REEP3: variants seen among roughly 807,000 people sequenced by gnomAD.
The protein encoded by REEP3 is receptor accessory protein 3.
REEP3 carries 20 observed loss-of-function variants against 41.3 expected under a neutral mutation model. The ratio of observed to expected loss-of-function variants is 0.48; its 90% confidence interval spans 0.34 to 0.70. The LOEUF is 0.70. REEP3 is among the 30% of genes least tolerant of loss of function. REEP3 has a pLI of 0.01. For missense variants in REEP3, 271 were observed against 308.8 expected (o/e 0.88, Z 0.92); for synonymous variants, 104 against 101.8 (o/e 1.02, Z -0.13).
chr10:63,531,814 A>G (rs1955423321), intron 1 of REEP3, among the ~76,000 whole-genome samples: 1 of 152,178 alleles, frequency 6.6e-6, no homozygotes, highest in Non-Finnish European at 1.5e-5. Context: ...TTCTATAATG[A>G]TATTTGGAAA....
chr10:63,585,312 A>G (rs760200914), intron 2 of REEP3, among the ~76,000 whole-genome samples: 3 of 152,168 alleles, frequency 2.0e-5, no homozygotes, highest in Non-Finnish European at 2.9e-5. Context: ...CCATATGGAT[A>G]TGTTACAAAG....
At chr10:63,556,977 T>C (rs1955693698) in intron 1 of REEP3, among the ~76,000 whole-genome samples, 1 of 152,138 alleles carries the variant, frequency 6.6e-6, no homozygotes, top group Non-Finnish European at 1.5e-5. Flanking sequence ...GGAAACTTGG[T>C]TGTTATAATG....
chr10:63,568,693 T>C (rs1955825934), intron 2 of REEP3, among the ~76,000 whole-genome samples: 1 of 149,900 alleles, frequency 6.7e-6, no homozygotes, highest in Non-Finnish European at 1.5e-5. Flanking sequence ...CTTGCTGTTA[T>C]CACCCAAGCT....
chr10:63,584,149 A>T (rs531631177), intron 2 of REEP3, among the ~76,000 whole-genome samples: 1 of 152,220 alleles, frequency 6.6e-6, no homozygotes, highest in East Asian at 1.9e-4. Context: ...ATTTTAACTC[A>T]CTGTAACACC....
chr10:63,540,098 C>T (rs556201750), intron 1 of REEP3, among the ~76,000 whole-genome samples: 7 of 152,234 alleles, frequency 4.6e-5, no homozygotes, highest in African/African-American at 1.7e-4. Context: ...CAGTAAGCAA[C>T]ATTAGTGGCC....
rs1340357272 is a variant in REEP3, at chr10:63,619,655, G to A, written c.566G>A (p.Gly189Asp). The part of the protein sequence containing the change: ...KSKPAPSESA[G>D]YGIPLKDGDE... ...ATGCTGTTTTTGACAACTTGTTTAG[G>A]TTATGGAATTCCACTGAAAGACGGA... The change falls in exon 7 of 8, where the codon GGT becomes GAT. Residue 189 changes from glycine (G) to aspartate (D), a missense_variant and splice_region_variant. Transcript: ENST00000373758. 1 of 1,598,044 alleles carries A rather than the reference G, an allele frequency of 6.3e-7. No homozygotes were observed. Among genetic ancestry groups the A allele is most frequent in the Non-Finnish European group, 8.5e-7 (1 of 1,171,902 alleles).
rs960539326 is a variant in REEP3 at position 63,594,698 on chromosome 10, A to AATAC, written c.106-64_106-61dup. 6.2e-5 allele frequency: 54 copies of AATAC among 875,642 alleles called. 1 individual carries two copies. The highest frequency in any genetic ancestry group is 3.7e-4 in the South Asian group (26 of 70,984). The allele number at this position is 875,642 out of a possible 1,614,324, so 54.2% of individuals were successfully genotyped here. ...ATATGAAATTATTATGAAATCCAGA[A>AATAC]ATACATACATACATACATATTATTC... On this transcript the variant is annotated intron_variant, in intron 2 of 7. Coordinates refer to ENST00000373758, the MANE Select transcript of REEP3 (RefSeq NM_001001330.3).
chr10:63,563,856 C>G (rs868560529), intron 1 of REEP3, among the ~76,000 whole-genome samples: 1 of 152,034 alleles, frequency 6.6e-6, no homozygotes, highest in Non-Finnish European at 1.5e-5. Context: ...GTTTTCCTCC[C>G]GAAAACCCAT....
At chr10:63,540,211 A>G (rs1955516316) in intron 1 of REEP3, among the ~76,000 whole-genome samples, 1 of 152,234 alleles carries the variant, frequency 6.6e-6, no homozygotes. Flanking sequence ...TCTGGATTTT[A>G]TTACAACATT....
chr10:63,606,118 A>ACATACAC, intron 5 of REEP3: 2 of 962,472 alleles, frequency 2.1e-6, no homozygotes, highest in Non-Finnish European at 2.5e-6. Context: ...ATCAATTTTA[A>ACATACAC]CATACACAGA....
intron 1 of REEP3, among the ~76,000 whole-genome samples, chr10:63,537,911 G>GTT (rs1315965919): frequency 6.6e-6 from 1 of 152,050 alleles, no homozygotes; most frequent in Non-Finnish European, 1.5e-5. Context: ...GATTTTTGAG[G>GTT]TTCTGGAGGT....
At chr10:63,585,172 G>A (rs916892227) in intron 2 of REEP3, among the ~76,000 whole-genome samples, 1 of 152,120 alleles carries the variant, frequency 6.6e-6, no homozygotes, top group Non-Finnish European at 1.5e-5. Flanking sequence ...TGTAAGAGTG[G>A]AAGCCATCCT....
At chr10:63,608,103 T>A (rs1956245326) in intron 5 of REEP3, among the ~76,000 whole-genome samples, 1 of 152,260 alleles carries the variant, frequency 6.6e-6, no homozygotes, top group South Asian at 2.1e-4. Flanking sequence ...ATAAAGAGAA[T>A]GACATTTCTG....
chr10:63,569,873 C>G (rs1012778537), intron 2 of REEP3, among the ~76,000 whole-genome samples: 1 of 151,648 alleles, frequency 6.6e-6, no homozygotes, highest in African/African-American at 2.4e-5. Flanking sequence ...GCCTGGGAGT[C>G]GAGACTACAG....
intron 6 of REEP3, among the ~76,000 whole-genome samples, chr10:63,611,668 A>T (rs1413832378): frequency 1.3e-5 from 2 of 152,104 alleles, no homozygotes; most frequent in Non-Finnish European, 2.9e-5. Context: ...TATTAAAAAA[A>T]GAAGTTTTCT....
At chr10:63,557,029 ATGTATAGTGTTCCATTG>A (rs945624997) in intron 1 of REEP3, among the ~76,000 whole-genome samples, 56 of 152,114 alleles carry the variant, frequency 3.7e-4, no homozygotes, top group Non-Finnish European at 6.8e-4. Flanking sequence ...AATTCTCCCT[ATGTATAGTGTTCCATTG>A]TCCTCCCAAT....
chr10:63,620,839 A>C lies in REEP3; in HGVS notation c.738A>C (p.Lys246Asn), dbSNP rs770685309. ...KEVRYGSLKY[K>N]VKKRPQVYF ...TGCGGTACGGGTCACTAAAATACAA[A>C]GTGAAGAAACGACCACAAGTGTATT... Residue 246 changes from lysine (K) to asparagine (N), a missense_variant, in exon 8 of 8, where the codon AAA (lysine) becomes AAC (asparagine). Lys to Asn is a moderately conservative substitution (Grantham distance 94). Coordinates refer to ENST00000373758, the MANE Select transcript of REEP3 (RefSeq NM_001001330.3). The C allele has an allele frequency of 6.2e-7, 1 of 1,608,806 alleles. No individual in the cohort carries two copies. The highest frequency in any genetic ancestry group is 8.5e-7 in the Non-Finnish European group (1 of 1,176,582).
chr10:63,603,179 G>T (rs747670239), intron 5 of REEP3, among the ~76,000 whole-genome samples: 2 of 151,796 alleles, frequency 1.3e-5, no homozygotes, highest in South Asian at 4.2e-4. Context: ...TGGGCGTGGT[G>T]GTGGGTGCCT....
chr10:63,615,548 CTT>C (rs200849735), intron 6 of REEP3, among the ~76,000 whole-genome samples: 14 of 142,662 alleles, frequency 9.8e-5, no homozygotes, highest in Admixed American at 1.4e-4. Flanking sequence ...CTAAATTAAA[CTT>C]TTTTTTTTTT....
Sources: gnomAD v4.1 joint callset for allele counts (sites outside exome capture counted in the v4.1 genomes callset) on GRCh38, gnomAD v4.1.1 for gene constraint, MANE v1.5 for transcripts, NCBI Gene and HGNC (gene_info 2026-07-23, HGNC 2026-07-21) for gene names.